BMP7: variants seen among roughly 807,000 people sequenced by gnomAD.
BMP7 encodes bone morphogenetic protein 7, also known as osteogenic protein 1.
A neutral mutation model predicts 41.2 loss-of-function variants in BMP7; 12 were observed. The observed-to-expected ratio is 0.29, with a 90% confidence interval of 0.19 to 0.47. The LOEUF is 0.47. BMP7 is among the 20% of genes least tolerant of loss of function. The pLI, the probability that BMP7 is intolerant of heterozygous loss-of-function variation, is 0.99. For synonymous variants in BMP7, 248 were observed against 250.0 expected (o/e 0.99, Z 0.07); for missense variants, 467 against 606.0 (o/e 0.77, Z 2.41).
intron 2 of BMP7, among the ~76,000 whole-genome samples, chr20:57,212,861 G>A (rs1229120706): frequency 6.6e-6 from 1 of 152,216 alleles, no homozygotes; most frequent in Non-Finnish European, 1.5e-5. Flanking sequence ...GCAGGCTGGG[G>A]AGGACTCAGC....
intron 2 of BMP7, chr20:57,225,958 C>T (rs1302629251): frequency 2.1e-6 from 1 of 471,184 alleles, no homozygotes; most frequent in Non-Finnish European, 4.4e-6. Flanking sequence ...CAGCAGGTAC[C>T]TGTGCTGAGG....
intron 1 of BMP7, among the ~76,000 whole-genome samples, chr20:57,262,427 C>A (rs541832314): frequency 6.6e-6 from 1 of 152,298 alleles, no homozygotes; most frequent in East Asian, 1.9e-4. Flanking sequence ...TCATAAGGTG[C>A]GGCCTTTAGT....
rs561899699 is a variant in BMP7 at position 57,202,403 on chromosome 20, A to G, written c.760+72T>C. On this transcript the variant is annotated intron_variant, in intron 3 of 6. Transcript: ENST00000395863. ...GCCTGTTTGTAGTGAAGCAAGCATG[A>G]GCACTGCTGAGACCCTCCTGAAGTC... 11 of 1,564,868 alleles carry G rather than the reference A, an allele frequency of 7.0e-6. No individual in the cohort carries two copies. In the South Asian group the frequency reaches 1.3e-4, roughly 18 times the overall value.
At chr20:57,176,910 A>G (rs1354601841) in intron 4 of BMP7, among the ~76,000 whole-genome samples, 1 of 152,158 alleles carries the variant, frequency 6.6e-6, no homozygotes, top group Non-Finnish European at 1.5e-5. Flanking sequence ...TGAGAATTCT[A>G]TCTGCATAGC....
chr20:57,210,281 G>A (rs993695241), intron 2 of BMP7, among the ~76,000 whole-genome samples: 4 of 152,214 alleles, frequency 2.6e-5, no homozygotes, highest in African/African-American at 9.7e-5. Context: ...AGGACGCCCA[G>A]GTGAATCGGC....
At chr20:57,265,025 C>A (rs2066169496) in intron 1 of BMP7, among the ~76,000 whole-genome samples, 1 of 65,502 alleles carries the variant, frequency 1.5e-5, no homozygotes. Flanking sequence ...GAGTGAAACT[C>A]CGTCTCAAAA....
chr20:57,252,916 T>C (rs2066119678), intron 1 of BMP7, among the ~76,000 whole-genome samples: 1 of 152,138 alleles, frequency 6.6e-6, no homozygotes, highest in African/African-American at 2.4e-5. Flanking sequence ...TGTCAGATCC[T>C]GGGGGAAGGG....
chr20:57,241,673 G>A (rs1391874139), intron 1 of BMP7, among the ~76,000 whole-genome samples: 1 of 152,230 alleles, frequency 6.6e-6, no homozygotes, highest in Non-Finnish European at 1.5e-5. Flanking sequence ...CATGAGACCT[G>A]GAGGCGAGAC....
chr20:57,176,950 G>A (rs1286946557), intron 4 of BMP7, among the ~76,000 whole-genome samples: 1 of 152,180 alleles, frequency 6.6e-6, no homozygotes, highest in Non-Finnish European at 1.5e-5. Context: ...GGTAAGATAA[G>A]AAGGACATCG....
chr20:57,240,409 G>T (rs945498303), intron 1 of BMP7, among the ~76,000 whole-genome samples: 2 of 152,136 alleles, frequency 1.3e-5, no homozygotes, highest in African/African-American at 4.8e-5. Flanking sequence ...CAGCGTTTTG[G>T]GCAAAGCCAT....
chr20:57,235,444 T>G (rs1420490227), intron 1 of BMP7, among the ~76,000 whole-genome samples: 1 of 152,166 alleles, frequency 6.6e-6, no homozygotes, highest in Admixed American at 6.5e-5. Context: ...TGTTTCCATG[T>G]CAACAATTTT....
chr20:57,253,091 C>T (rs1018753771), intron 1 of BMP7, among the ~76,000 whole-genome samples: 3 of 152,202 alleles, frequency 2.0e-5, no homozygotes, highest in African/African-American at 4.8e-5. Context: ...TCCCCCACCC[C>T]CTTCCATCCC....
At chr20:57,253,081 TC>T (rs2066120797) in intron 1 of BMP7, among the ~76,000 whole-genome samples, 2 of 152,104 alleles carry the variant, frequency 1.3e-5, no homozygotes, top group Non-Finnish European at 2.9e-5. Context: ...GATTTCTGGG[TC>T]CCCCACCCCC....
At chr20:57,198,668 C>T (rs1984557420) in intron 3 of BMP7, among the ~76,000 whole-genome samples, 1 of 152,136 alleles carries the variant, frequency 6.6e-6, no homozygotes, top group Non-Finnish European at 1.5e-5. Flanking sequence ...AGAAGGGCAC[C>T]TCCGCACTTT....
In BMP7 at chr20:57,176,418, A is replaced by C. The variant is rs147291785; in HGVS notation, c.959-1411T>G. On this transcript the variant is annotated intron_variant, in intron 4 of 6. Coordinates refer to ENST00000395863, the MANE Select transcript of BMP7 (RefSeq NM_001719.3). ...TTTCTGATGTCTACAGCCAAACCTC[A>C]ACCCATCCCAACTGGCTGCCCTGTG... Among the ~76,000 whole-genome samples the C allele has an allele frequency of 2.6e-5, 4 of 152,290 alleles. No individual in the cohort carries two copies. In the East Asian group the frequency reaches 7.7e-4, roughly 29 times the overall value.
At chr20:57,186,873 T>C (rs979873974) in intron 3 of BMP7, among the ~76,000 whole-genome samples, 2 of 152,216 alleles carry the variant, frequency 1.3e-5, no homozygotes, top group African/African-American at 4.8e-5. Context: ...CCCTTTAACG[T>C]TTGGCTTTCC....
At chr20:57,189,227 G>A (rs1213018656) in intron 3 of BMP7, among the ~76,000 whole-genome samples, 2 of 152,194 alleles carry the variant, frequency 1.3e-5, no homozygotes, top group African/African-American at 4.8e-5. Flanking sequence ...GGGGTACAGG[G>A]GGCTCTGAAA....
intron 1 of BMP7, among the ~76,000 whole-genome samples, chr20:57,258,311 AC>A (rs2066141650): frequency 6.6e-6 from 1 of 152,168 alleles, no homozygotes; most frequent in Non-Finnish European, 1.5e-5. Flanking sequence ...AGGCTTCTAA[AC>A]ATGCTGAATC....
At chr20:57,211,997 C>T (rs894409361) in intron 2 of BMP7, among the ~76,000 whole-genome samples, 5 of 152,238 alleles carry the variant, frequency 3.3e-5, no homozygotes, top group Non-Finnish European at 4.4e-5. Flanking sequence ...CACACTGAAA[C>T]GCCTCCTCTC....
Sources: gnomAD v4.1 joint callset for allele counts (sites outside exome capture counted in the v4.1 genomes callset) on GRCh38, gnomAD v4.1.1 for gene constraint, MANE v1.5 for transcripts, NCBI Gene and HGNC (gene_info 2026-07-23, HGNC 2026-07-21) for gene names.